Variants in ALKBH3 observed in about 807,000 individuals in gnomAD.
ALKBH3 encodes the protein alpha-ketoglutarate-dependent dioxygenase alkB homolog 3.
In ALKBH3, 51 loss-of-function variants were observed where a neutral mutation model predicts 43.9. The ratio of observed to expected loss-of-function variants is 1.16; its 90% confidence interval spans 0.93 to 1.47. ALKBH3 has a LOEUF of 1.47. Ranked by LOEUF, ALKBH3 falls within the 40% of genes most tolerant of loss-of-function variation. The pLI is 0.00. For synonymous variants in ALKBH3, 102 were observed against 115.2 expected (o/e 0.89, Z 0.73); for missense variants, 361 against 351.9 (o/e 1.03, Z -0.21).
chr11:43,919,259 G>A, intron 9 of ALKBH3, 123 bp downstream of exon 9: 1 of 804,662 alleles, frequency 1.2e-6, no homozygotes, highest in Non-Finnish European at 2.1e-6. Context: ...GAGGGAATGA[G>A]CTGACATTCT....
chr11:43,900,639 A>G (rs993167228), intron 7 of ALKBH3, among the ~76,000 whole-genome samples: 7 of 152,216 alleles, frequency 4.6e-5, no homozygotes, highest in African/African-American at 1.7e-4. Context: ...GGGCTCCTCA[A>G]TAATTTCTCA....
chr11:43,892,060 A>G lies in ALKBH3; in HGVS notation c.390A>G (p.Pro130=). 6.2e-7 allele frequency: 1 copy of G among 1,613,420 alleles called. No individual in the cohort carries two copies. ...GIREDITYQQ[P]RLTAWYGELP... is the part of the protein sequence containing the mutation. ...TCTTAGATATAACTTATCAGCAACCAAGACTTACAGCATGGTATGGAGAAC... is the reference window on the plus strand; with the variant it reads ...TCTTAGATATAACTTATCAGCAACCGAGACTTACAGCATGGTATGGAGAAC... Residue 130 remains proline, a synonymous_variant, in exon 7 of 10, where the codon CCA becomes CCG. Coordinates refer to ENST00000302708, the MANE Select transcript of ALKBH3 (RefSeq NM_139178.4).
chr11:43,917,480 T>C (rs1347295484), intron 8 of ALKBH3, among the ~76,000 whole-genome samples: 1 of 152,226 alleles, frequency 6.6e-6, no homozygotes, highest in Non-Finnish European at 1.5e-5. Flanking sequence ...TCTCTGATTA[T>C]GTAGAGGGTA....
At chr11:43,894,450 T>G (rs1344300985) in intron 7 of ALKBH3, among the ~76,000 whole-genome samples, 2 of 152,256 alleles carry the variant, frequency 1.3e-5, no homozygotes, top group Non-Finnish European at 2.9e-5. Flanking sequence ...CTGAGGCATC[T>G]GAATATAGAG....
chr11:43,910,389 TTC>T (rs1344389460), intron 8 of ALKBH3: 1 of 152,232 alleles, frequency 6.6e-6, no homozygotes, highest in Non-Finnish European at 1.5e-5. Context: ...TAACCATTCC[TTC>T]TTTGGTGGGG....
rs569034937 is a variant in ALKBH3 at position 43,889,352 on chromosome 11, A to C, written c.267-373A>C. 7.9e-5 allele frequency among the ~76,000 whole-genome samples: 12 copies of C among 152,336 alleles called. No individual in the cohort carries two copies. The South Asian group carries it at 2.5e-3, about 32-fold the overall frequency. On this transcript the variant is annotated intron_variant, in intron 5 of 9. Coordinates refer to ENST00000302708, the MANE Select transcript of ALKBH3 (RefSeq NM_139178.4). ...ATTATTCTATTTACTCTTCACAGTG[A>C]ATCTATGAGGTTGATGTCATCTCAG...
At chr11:43,889,627 A>C (rs967619171) in intron 5 of ALKBH3, 98 bp from the exon 6 acceptor site, 5 of 973,614 alleles carry the variant, frequency 5.1e-6, no homozygotes, top group Non-Finnish European at 7.9e-6. Flanking sequence ...TCATGTACCC[A>C]TTAGAGGCTG....
intron 7 of ALKBH3, chr11:43,899,165 G>C (rs1951842370): frequency 2.5e-6 from 2 of 788,628 alleles, no homozygotes; most frequent in Admixed American, 1.7e-5. Flanking sequence ...ACTCCCTAGG[G>C]GCCCCACCTC....
chr11:43,893,905 AG>A (rs1302644100), intron 7 of ALKBH3, among the ~76,000 whole-genome samples: 1 of 152,198 alleles, frequency 6.6e-6, no homozygotes, highest in Non-Finnish European at 1.5e-5. Context: ...ATTTAGATAT[AG>A]GGTCTTGTTA....
intron 7 of ALKBH3, 114 bp downstream of exon 7, chr11:43,892,243 A>C: frequency 1.1e-6 from 1 of 875,744 alleles, no homozygotes; most frequent in Non-Finnish European, 1.7e-6. Flanking sequence ...CTAGTTCAAA[A>C]AACCTCTCTG....
chr11:43,915,665 A>G (rs1200667870), intron 8 of ALKBH3, among the ~76,000 whole-genome samples: 1 of 151,104 alleles, frequency 6.6e-6, no homozygotes, highest in Non-Finnish European at 1.5e-5. Context: ...TAAAGGAAGG[A>G]TATGTTCATA....
At chr11:43,919,200 T>A in intron 9 of ALKBH3, 64 bp downstream of exon 9, 1 of 1,342,702 alleles carries the variant, frequency 7.4e-7, no homozygotes, top group Non-Finnish European at 1.1e-6. Flanking sequence ...CTCTGAGGAC[T>A]ATTTCTAAGT....
chr11:43,892,417 G>A (rs921885294), intron 7 of ALKBH3, among the ~76,000 whole-genome samples: 3 of 152,098 alleles, frequency 2.0e-5, no homozygotes, highest in Non-Finnish European at 2.9e-5. Context: ...TATTCCTTCT[G>A]TGTACACCCT....
Position 43,883,105 on chromosome 11 carries a change from C to T in ALKBH3, c.100C>T (p.Leu34Phe), listed in dbSNP as rs1951723004. 5 of 1,614,058 alleles carry T rather than the reference C, an allele frequency of 3.1e-6. No individual in the cohort carries two copies. The highest frequency in any genetic ancestry group is 4.2e-6 in the Non-Finnish European group (5 of 1,179,996). ...AQPATTAKSH[L>F]HQKPGQTWKN... is the part of the protein sequence containing the mutation. ...TTCAGCTACCACTGCTAAGAGCCAT[C>T]TCCACCAGAAGCCTGGCCAGACCTG... is the stretch of plus-strand genomic sequence containing the variant. The change falls in exon 3 of 10, where the codon CTC becomes TTC. Residue 34 changes from leucine (L) to phenylalanine (F), a missense_variant. Transcript: ENST00000302708.
intron 8 of ALKBH3, among the ~76,000 whole-genome samples, chr11:43,905,025 C>G (rs1951886518): frequency 6.6e-6 from 1 of 152,076 alleles, no homozygotes; most frequent in African/African-American, 2.4e-5. Flanking sequence ...AAGTTAATGC[C>G]TATTTGACTT....
At chr11:43,918,955 C>A in intron 8 of ALKBH3, 83 bp from the exon 9 acceptor site, 1 of 1,095,746 alleles carries the variant, frequency 9.1e-7, no homozygotes, top group South Asian at 1.3e-5. Context: ...CAGAGGTTTC[C>A]ATTTTTTTTT....
intron 8 of ALKBH3, among the ~76,000 whole-genome samples, chr11:43,905,212 T>C (rs1232249258): frequency 6.6e-6 from 1 of 152,214 alleles, no homozygotes; most frequent in East Asian, 1.9e-4. Context: ...GTTTATTTTG[T>C]AGTCTGGCAC....
At chr11:43,897,167 T>C in intron 7 of ALKBH3, 1 of 498,052 alleles carries the variant, frequency 2.0e-6, no homozygotes, top group Non-Finnish European at 4.0e-6. Flanking sequence ...ATATATAAAA[T>C]AATATGAAAA....
At chr11:43,883,055 G>A (rs1274258903) in intron 2 of ALKBH3, 30 bp from the exon 3 acceptor site, 1 of 1,586,458 alleles carries the variant, frequency 6.3e-7, no homozygotes, top group South Asian at 1.1e-5. Context: ...ACTTTCCCCT[G>A]GTTTGAGGCT....
Sources: gnomAD v4.1 joint callset for allele counts (sites outside exome capture counted in the v4.1 genomes callset) on GRCh38, gnomAD v4.1.1 for gene constraint, MANE v1.5 for transcripts, NCBI Gene and HGNC (gene_info 2026-07-23, HGNC 2026-07-21) for gene names.